AMMECR1L: variants seen among roughly 807,000 people sequenced by gnomAD.
The protein encoded by AMMECR1L is AMMECR1 like.
AMMECR1L carries 4 observed loss-of-function variants against 36.8 expected under a neutral mutation model. That is an observed-to-expected ratio of 0.11 (90% CI 0.05 to 0.25). AMMECR1L has a LOEUF of 0.25. Ranked by LOEUF, AMMECR1L falls within the 10% of genes least tolerant of loss-of-function variation. The probability of loss-of-function intolerance (pLI) is 1.00; values close to 1 mark genes in which losing one functional copy is unlikely to be tolerated. For missense variants in AMMECR1L, 232 were observed against 392.1 expected, an observed-to-expected ratio of 0.59 and a Z score of 3.45; for synonymous variants, 147 against 148.0, an observed-to-expected ratio of 0.99 and a Z score of 0.05.
chr2:127,884,506 G>A (rs1346046410), intron 1 of AMMECR1L, among the ~76,000 whole-genome samples, 194 bp from the exon 2 acceptor site: 2 of 152,112 alleles, frequency 1.3e-5, no homozygotes, highest in African/African-American at 4.8e-5. Context: ...GAAGTCCCAT[G>A]CCCTGAATCA....
Position 127,861,668 on chromosome 2 carries a change from TAA to T in AMMECR1L, c.*3424_*3425del, listed in dbSNP as rs1176705220. The T allele has an allele frequency of 1.3e-5, 2 of 152,232 alleles. No homozygotes were observed. The highest frequency in any genetic ancestry group is 1.3e-4 in the Admixed American group (2 of 15,282). 9.4% of individuals were successfully genotyped at this position (152,232 alleles called of 1,614,324 possible). A position where few individuals can be genotyped will look rare whatever the true frequency, so the allele number is the denominator to read the frequency against. The stretch of plus-strand genomic sequence containing the variant: ...TGATTTATTCTCTACAATACTTCGT[TAA>T]AGTGTTCAATGATTTGCACTCAGAA... On this transcript the variant is annotated 3_prime_UTR_variant, in exon 8 of 8. Transcript: ENST00000272647.
At position 127,873,957 on chromosome 2, in the gene AMMECR1L, T is replaced by C. The variant is rs1336643459; in HGVS notation, c.278A>G (p.Asn93Ser). The change falls in exon 3 of 8, where the codon AAT becomes AGT. Residue 93 changes from asparagine (N) to serine (S), a missense_variant. Coordinates refer to ENST00000272647, the MANE Select transcript of AMMECR1L (RefSeq NM_001199140.2). This position sits in a 1 kb window ranked among gnomAD's most constrained non-coding sequence, Gnocchi z 5.2. Reference protein sequence around the residue: ...SGALSPLPRPNGTANTTKNLV... With the variant: ...SGALSPLPRPSGTANTTKNLV... ...ATTCTTAGTGGTGTTGGCAGTTCCATTAGGCCGGGGAAGAGGGCTCAGCGC... is the reference window on the plus strand; with the variant it reads ...ATTCTTAGTGGTGTTGGCAGTTCCACTAGGCCGGGGAAGAGGGCTCAGCGC... 1.9e-6 allele frequency: 3 copies of C among 1,614,204 alleles called. No individual in the cohort carries two copies. The highest frequency in any genetic ancestry group is 2.5e-6 in the Non-Finnish European group (3 of 1,180,038).
intron 2 of AMMECR1L, among the ~76,000 whole-genome samples, chr2:127,875,664 C>T (rs957318937): frequency 6.6e-6 from 1 of 152,160 alleles, no homozygotes; most frequent in Non-Finnish European, 1.5e-5. Context: ...TAACAAAATA[C>T]ACATCAAGGG....
intron 1 of AMMECR1L, 159 bp downstream of exon 1, chr2:127,885,651 C>T (rs945472342): frequency 3.0e-6 from 3 of 984,292 alleles, no homozygotes; most frequent in Admixed American, 6.2e-5. Context: ...ACTCCTCCCC[C>T]CCGCTGCCCC....
chr2:127,873,259 G>C lies in AMMECR1L; in HGVS notation c.407+569C>G. The C allele has an allele frequency of 1.0e-6, 1 of 985,464 alleles. No individual in the cohort carries two copies. Among genetic ancestry groups the C allele is most frequent in the Non-Finnish European group, 1.2e-6 (1 of 829,946 alleles). The allele number at this position is 985,464 out of a possible 1,614,324, so 61.0% of individuals were successfully genotyped here. ...ACATATTGCTTATTTAAGTCACTGA[G>C]ACCAGTAGAGGGCTTGGGACAAGCA... is the stretch of plus-strand genomic sequence containing the variant. On this transcript the variant is annotated intron_variant, in intron 3 of 7. Transcript: ENST00000272647. The surrounding 1 kb of genome is among the most constrained non-coding windows in gnomAD (Gnocchi z 5.2).
chr2:127,885,616 C>A, intron 1 of AMMECR1L, 194 bp downstream of exon 1: 1 of 981,222 alleles, frequency 1.0e-6, no homozygotes, highest in Non-Finnish European at 1.2e-6. Flanking sequence ...TGGGACATGG[C>A]CTGAGGCCCC....
chr2:127,881,039 G>A (rs1244867119), intron 2 of AMMECR1L, among the ~76,000 whole-genome samples: 1 of 152,040 alleles, frequency 6.6e-6, no homozygotes, highest in Admixed American at 6.6e-5. Flanking sequence ...TCACTTCTTG[G>A]TCCAATGTAT....
At chr2:127,868,785 C>T (rs1389802601) in intron 6 of AMMECR1L, among the ~76,000 whole-genome samples, 4 of 151,704 alleles carry the variant, frequency 2.6e-5, no homozygotes, top group Admixed American at 2.6e-4. Context: ...AGTGTAATGG[C>T]ACGATCTTGG....
Position 127,866,881 on chromosome 2 carries a change from A to C in AMMECR1L, c.821+19T>G, listed in dbSNP as rs1690710562. 1 of 1,609,048 alleles carries C rather than the reference A, an allele frequency of 6.2e-7. No individual in the cohort carries two copies. Among genetic ancestry groups the C allele is most frequent in the African/African-American group, 1.3e-5 (1 of 74,844 alleles). On this transcript the variant is annotated intron_variant, in intron 7 of 7. Coordinates refer to ENST00000272647, the MANE Select transcript of AMMECR1L (RefSeq NM_001199140.2). Reference sequence around the variant, plus strand: ...CCCAACTAAATTGAAATGATAAGGAAAACAAGACAATGGCTTACCTGGTGA... The same window carrying C: ...CCCAACTAAATTGAAATGATAAGGACAACAAGACAATGGCTTACCTGGTGA...
At position 127,885,858 on chromosome 2, in the gene AMMECR1L, T is replaced by C. The variant is rs1042545275; in HGVS notation, c.-197A>G. ...CTGGGGCGGACGGGACCTCTCGCGC[T>C]CTGCCTCCTCCTCTTGCTTCATGGA... On this transcript the variant is annotated 5_prime_UTR_variant, in exon 1 of 8. Coordinates refer to ENST00000272647, the MANE Select transcript of AMMECR1L (RefSeq NM_001199140.2). 14 of 985,690 alleles carry C rather than the reference T, an allele frequency of 1.4e-5. No individual in the cohort carries two copies. The highest frequency in any genetic ancestry group is 1.2e-5 in the Non-Finnish European group (10 of 829,920). The allele number at this position is 985,690 out of a possible 1,614,324, so 61.1% of individuals were successfully genotyped here. A position where few individuals can be genotyped will look rare whatever the true frequency, so the allele number is the denominator to read the frequency against.
rs1368538518 is a variant in AMMECR1L at position 127,862,710 on chromosome 2, T to TAA, written c.*2382_*2383dup. The TAA allele has an allele frequency of 6.6e-6, 1 of 152,414 alleles. No homozygotes were observed. The highest frequency in any genetic ancestry group is 1.5e-5 in the Non-Finnish European group (1 of 67,992). 9.4% of individuals were successfully genotyped at this position (152,414 alleles called of 1,614,324 possible). On this transcript the variant is annotated 3_prime_UTR_variant, in exon 8 of 8. Transcript: ENST00000272647. ...GGAGCATGAGGGAATGTGCAGGGAG[T>TAA]AAGGCTTCTTCACTCCAAAAACCAC... is the stretch of plus-strand genomic sequence containing the variant.
At position 127,861,811 on chromosome 2, in the gene AMMECR1L, C is replaced by G. The variant is rs1690480710; in HGVS notation, c.*3283G>C. 6.6e-6 allele frequency: 1 copy of G among 152,218 alleles called. No homozygotes were observed. The highest frequency in any genetic ancestry group is 2.4e-5 in the African/African-American group (1 of 41,442). The allele number at this position is 152,218 out of a possible 1,614,324, so 9.4% of individuals were successfully genotyped here. On this transcript the variant is annotated 3_prime_UTR_variant, in exon 8 of 8. Coordinates refer to ENST00000272647, the MANE Select transcript of AMMECR1L (RefSeq NM_001199140.2). ...GTAAGAACGAAATGAACAAAAAGAA[C>G]ACATAGCTCCCTAGGCTCCAGAATC... is the stretch of plus-strand genomic sequence containing the variant.
Position 127,871,144 on chromosome 2 carries a change from C to G in AMMECR1L, c.518+105G>C. The G allele has an allele frequency of 7.7e-7, 1 of 1,291,828 alleles. No individual in the cohort carries two copies. Among genetic ancestry groups the G allele is most frequent in the Non-Finnish European group, 1.1e-6 (1 of 926,204 alleles). The allele number at this position is 1,291,828 out of a possible 1,614,324, so 80.0% of individuals were successfully genotyped here. A position where few individuals can be genotyped will look rare whatever the true frequency, so the allele number is the denominator to read the frequency against. ...TAAGCCCCTTACATTTCCTGATTACCAAAAAGAGAAAGCTCAACGTACATC... is the reference window on the plus strand; with the variant it reads ...TAAGCCCCTTACATTTCCTGATTACGAAAAAGAGAAAGCTCAACGTACATC... On this transcript the variant is annotated intron_variant, in intron 4 of 7. Transcript: ENST00000272647. The surrounding 1 kb of genome is among the most constrained non-coding windows in gnomAD (Gnocchi z 4.3).
chr2:127,861,654 C>T lies in AMMECR1L; in HGVS notation c.*3440G>A, dbSNP rs1277093205. On this transcript the variant is annotated 3_prime_UTR_variant, in exon 8 of 8. Transcript: ENST00000272647. ...ATTTTTATCCATTATGATTTATTCTCTACAATACTTCGTTAAAGTGTTCAA... is the reference window on the plus strand; with the variant it reads ...ATTTTTATCCATTATGATTTATTCTTTACAATACTTCGTTAAAGTGTTCAA... The T allele has an allele frequency of 6.6e-6, 1 of 152,140 alleles. No individual in the cohort carries two copies. The highest frequency in any genetic ancestry group is 1.5e-5 in the Non-Finnish European group (1 of 68,028). 9.4% of individuals were successfully genotyped at this position (152,140 alleles called of 1,614,324 possible). A position where few individuals can be genotyped will look rare whatever the true frequency, so the allele number is the denominator to read the frequency against.
chr2:127,883,899 G>T (rs1023390547), intron 2 of AMMECR1L, among the ~76,000 whole-genome samples: 2 of 152,208 alleles, frequency 1.3e-5, no homozygotes, highest in Admixed American at 1.3e-4. Context: ...CTCTTTGGTT[G>T]TATTGAGAAA....
chr2:127,864,272 G>C lies in AMMECR1L; in HGVS notation c.*822C>G, dbSNP rs1270847335. The C allele has an allele frequency of 6.5e-6, 1 of 152,710 alleles. No individual in the cohort carries two copies. Among genetic ancestry groups the C allele is most frequent in the Non-Finnish European group, 1.5e-5 (1 of 68,078 alleles). 9.5% of individuals were successfully genotyped at this position (152,710 alleles called of 1,614,324 possible). On this transcript the variant is annotated 3_prime_UTR_variant, in exon 8 of 8. Coordinates refer to ENST00000272647, the MANE Select transcript of AMMECR1L (RefSeq NM_001199140.2). ...TGAGGTAGCCAGGCGGTGCAGAAGA[G>C]GTCTCTCCTCTCACACCTGCGTGCA...
rs746275595 is a variant in AMMECR1L at position 127,871,361 on chromosome 2, TAA to T, written c.408-4_408-3del. On this transcript the variant is annotated splice_polypyrimidine_tract_variant and splice_region_variant and intron_variant, in intron 3 of 7. Coordinates refer to ENST00000272647, the MANE Select transcript of AMMECR1L (RefSeq NM_001199140.2). The surrounding 1 kb of genome is among the most constrained non-coding windows in gnomAD (Gnocchi z 4.3). ...GTCTTCCACGTCACAAAGAGCGGAC[TAA>T]AAAAAGCAAAACACAAAACATTCTC... 9 of 1,613,080 alleles carry T rather than the reference TAA, an allele frequency of 5.6e-6. No individual in the cohort carries two copies. The highest frequency in any genetic ancestry group is 7.6e-6 in the Non-Finnish European group (9 of 1,179,892).
intron 2 of AMMECR1L, among the ~76,000 whole-genome samples, chr2:127,876,328 C>A (rs376474933): frequency 6.0e-5 from 8 of 133,424 alleles, no homozygotes; most frequent in Middle Eastern, 4.3e-3. Context: ...CCAGCCTGGG[C>A]AACAGAGCAA....
intron 6 of AMMECR1L, 87 bp from the exon 7 acceptor site, chr2:127,867,083 G>C (rs1307892558): frequency 6.3e-7 from 1 of 1,577,138 alleles, no homozygotes; most frequent in African/African-American, 1.3e-5. Context: ...AGAGAAATGG[G>C]ACTCGAGAAG....
Sources: allele counts gnomAD v4.1 joint callset (sites outside exome capture counted in the v4.1 genomes callset), GRCh38; gene constraint gnomAD v4.1.1; non-coding constraint Gnocchi (gnomAD v3.1); transcripts MANE v1.5; gene names NCBI Gene and HGNC (gene_info 2026-07-23, HGNC 2026-07-21).